The following ABTB3 variants were observed in gnomAD, a reference collection of about 807,000 sequenced individuals.
ABTB3 encodes ankyrin repeat- and BTB/POZ domain-containing protein 3.
chr12:107,515,195 C>T, the ABTB3 span, among the ~76,000 whole-genome samples: 2 of 152,158 alleles, frequency 1.3e-5, no homozygotes, highest in Non-Finnish European at 2.9e-5. Flanking sequence ...TCTCCAAGTC[C>T]CATTTGCTCA....
the ABTB3 span, among the ~76,000 whole-genome samples, chr12:107,396,477 C>T: frequency 5.3e-3 from 811 of 152,276 alleles, 10 homozygotes; most frequent in African/African-American, 0.019. Flanking sequence ...TAAAAAGATC[C>T]ATTCATCCAG....
the ABTB3 span, among the ~76,000 whole-genome samples, chr12:107,334,808 A>G: frequency 1.3e-5 from 2 of 152,208 alleles, no homozygotes; most frequent in African/African-American, 4.8e-5. Context: ...GAGGCTGAGA[A>G]GGAGCAGCCA....
the ABTB3 span, among the ~76,000 whole-genome samples, chr12:107,626,802 G>A: frequency 5.3e-5 from 8 of 152,028 alleles, no homozygotes; most frequent in African/African-American, 1.9e-4. Context: ...ATCTCTTTGT[G>A]CCTCTACCTC....
the ABTB3 span, among the ~76,000 whole-genome samples, chr12:107,398,881 T>A: frequency 6.6e-6 from 1 of 152,238 alleles, no homozygotes; most frequent in Non-Finnish European, 1.5e-5. Flanking sequence ...GTAAGAGTGC[T>A]GGACTGTGGA....
At chr12:107,439,373 G>A in the ABTB3 span, among the ~76,000 whole-genome samples, 1 of 152,110 alleles carries the variant, frequency 6.6e-6, no homozygotes, top group Non-Finnish European at 1.5e-5. Flanking sequence ...CTTGCTCCAG[G>A]GCAGGCATCT....
the ABTB3 span, among the ~76,000 whole-genome samples, chr12:107,376,154 C>T: frequency 6.6e-6 from 1 of 152,170 alleles, no homozygotes; most frequent in African/African-American, 2.4e-5. Context: ...GCCCTCCTCT[C>T]CCTCCCTCAC....
chr12:107,447,164 G>T, the ABTB3 span, among the ~76,000 whole-genome samples: 1 of 151,886 alleles, frequency 6.6e-6, no homozygotes, highest in Non-Finnish European at 1.5e-5. Flanking sequence ...TTTTTGAGAT[G>T]GAGTTTTCAC....
the ABTB3 span, among the ~76,000 whole-genome samples, chr12:107,644,524 TG>T: frequency 2.6e-5 from 4 of 152,278 alleles, no homozygotes; most frequent in East Asian, 5.8e-4. Context: ...TGGAGAAGGG[TG>T]GGGTGCTTGT....
At chr12:107,607,384 G>A in the ABTB3 span, among the ~76,000 whole-genome samples, 2 of 152,140 alleles carry the variant, frequency 1.3e-5, no homozygotes, top group Admixed American at 1.3e-4. Flanking sequence ...GTCAGGCTCC[G>A]GTCCTCCAGC....
At chr12:107,526,753 C>A in the ABTB3 span, among the ~76,000 whole-genome samples, 1 of 152,096 alleles carries the variant, frequency 6.6e-6, no homozygotes, top group Non-Finnish European at 1.5e-5. Flanking sequence ...TAATTTACAA[C>A]TGTATAAAAA....
chr12:107,417,935 G>A, the ABTB3 span, among the ~76,000 whole-genome samples: 68 of 152,350 alleles, frequency 4.5e-4, no homozygotes, highest in African/African-American at 1.5e-3. Flanking sequence ...GAAGTTTGGA[G>A]GCAATTCTAG....
chr12:107,553,428 C>G, the ABTB3 span, among the ~76,000 whole-genome samples: 1 of 152,182 alleles, frequency 6.6e-6, no homozygotes, highest in African/African-American at 2.4e-5. Context: ...ATTGGGGCAA[C>G]TCTATAAGTA....
the ABTB3 span, among the ~76,000 whole-genome samples, chr12:107,446,649 G>T: frequency 1.3e-5 from 2 of 152,134 alleles, no homozygotes; most frequent in African/African-American, 4.8e-5. Context: ...GGGTCTAGCC[G>T]CATCTGCATC....
At chr12:107,481,343 C>G in the ABTB3 span, among the ~76,000 whole-genome samples, 1 of 152,116 alleles carries the variant, frequency 6.6e-6, no homozygotes, top group African/African-American at 2.4e-5. Flanking sequence ...TTCCATTAAC[C>G]CTCAGGAATG....
At chr12:107,524,775 G>A in the ABTB3 span, among the ~76,000 whole-genome samples, 2 of 152,218 alleles carry the variant, frequency 1.3e-5, no homozygotes, top group African/African-American at 2.4e-5. Flanking sequence ...CTCCAGGGAA[G>A]TCCAGAAGAT....
At chr12:107,581,654 T>C in the ABTB3 span, among the ~76,000 whole-genome samples, 1 of 152,186 alleles carries the variant, frequency 6.6e-6, no homozygotes, top group African/African-American at 2.4e-5. Context: ...AACCAAACCT[T>C]ACAGAGTGAA....
chr12:107,613,868 G>GT, the ABTB3 span, among the ~76,000 whole-genome samples: 2 of 152,036 alleles, frequency 1.3e-5, no homozygotes, highest in South Asian at 2.1e-4. Flanking sequence ...GTGTGTGTGT[G>GT]TTTTTTTAAT....
the ABTB3 span, among the ~76,000 whole-genome samples, chr12:107,632,249 G>T: frequency 5.3e-4 from 80 of 152,162 alleles, no homozygotes; most frequent in African/African-American, 1.9e-3. Context: ...AGAAAAACTC[G>T]CAAAAGAGTC....
At chr12:107,383,246 G>A in the ABTB3 span, among the ~76,000 whole-genome samples, 2 of 152,220 alleles carry the variant, frequency 1.3e-5, no homozygotes, top group Non-Finnish European at 1.5e-5. Context: ...TTACCCATTT[G>A]CCCTGCAGGT....
Sources: gnomAD v4.1 joint callset for allele counts (sites outside exome capture counted in the v4.1 genomes callset) on GRCh38, gnomAD v4.1.1 for gene constraint, MANE v1.5 for transcripts, NCBI Gene and HGNC (gene_info 2026-07-23, HGNC 2026-07-21) for gene names.